TRRAP: variants seen among roughly 807,000 people sequenced by gnomAD.
The protein encoded by TRRAP is transformation/transcription domain-associated protein.
TRRAP carries 41 observed loss-of-function variants against 438.8 expected under a neutral mutation model. The observed-to-expected ratio is 0.09, with a 90% CI of 0.07 to 0.12. The LOEUF is 0.12. Among genes scored for constraint, TRRAP ranks in the 10% least tolerant of loss-of-function variants. The pLI is 1.00. For synonymous variants in TRRAP, 1,994 were observed against 1,962.9 expected (o/e 1.02, Z -0.42); for missense variants, 3,122 against 5,055.1 (o/e 0.62, Z 11.60).
chr7:98,900,747 T>C, intron 11 of TRRAP, 27 bp downstream of exon 11: 1 of 1,581,250 alleles, frequency 6.3e-7, no homozygotes, highest in Non-Finnish European at 8.6e-7. Flanking sequence ...TTATGTCAGG[T>C]TTATTGAGAT....
Position 98,910,254 on chromosome 7 carries a change from A to G in TRRAP, c.1549A>G (p.Thr517Ala). The G allele has an allele frequency of 1.2e-6, 1 of 803,700 alleles. No individual in the cohort carries two copies. The allele number at this position is 803,700 out of a possible 1,614,324, so 49.8% of individuals were successfully genotyped here. Residue 517 changes from threonine (T) to alanine (A), a missense_variant, in exon 15 of 73, where the codon ACC becomes GCC. Transcript: ENST00000456197. ...PPPPPPPPPA[T>A]PVTPAPVPPF... Reference sequence around the variant, plus strand: ...ACCCCCGCCCCCACCCCCACCTGCCACCCCTGTGACCCCGGCCCCCGTGCC... The same window carrying G: ...ACCCCCGCCCCCACCCCCACCTGCCGCCCCTGTGACCCCGGCCCCCGTGCC...
intron 63 of TRRAP, 145 bp from the exon 64 acceptor site, chr7:98,990,310 G>A (rs1314770193): frequency 3.0e-6 from 2 of 671,572 alleles, no homozygotes; most frequent in Non-Finnish European, 4.8e-6. Flanking sequence ...ATTAAGTTTA[G>A]CAATAATGTT....
rs754475594 is a variant in TRRAP at position 98,967,154 on chromosome 7, T to C, written c.7290T>C (p.Tyr2430=). The C allele has an allele frequency of 2.5e-6, 4 of 1,613,426 alleles. No homozygotes were observed. The Admixed American group carries it at 6.7e-5, about 27-fold the overall frequency. ...LNAQFLDLVN[Y]VYRDETLSGS... ...CCCAGTTTTTAGATCTTGTTAACTA[T>C]GTCTACAGGTAATTACAGCAATTAA... The change falls in exon 50 of 73, where the codon TAT becomes TAC. Residue 2430 remains tyrosine, a synonymous_variant. Coordinates refer to ENST00000456197, the MANE Select transcript of TRRAP (RefSeq NM_001375524.1).
intron 45 of TRRAP, among the ~76,000 whole-genome samples, chr7:98,960,807 G>A (rs1396803656): frequency 6.6e-6 from 1 of 151,750 alleles, no homozygotes; most frequent in Non-Finnish European, 1.5e-5. Context: ...AGTAGAGACG[G>A]GGTTTCACCA....
rs782057410 is a variant in TRRAP, at chr7:98,949,714, C to T, written c.5008C>T (p.Leu1670=). 1.2e-6 allele frequency: 2 copies of T among 1,613,982 alleles called. No individual in the cohort carries two copies. Among genetic ancestry groups the T allele is most frequent in the Admixed American group, 1.7e-5 (1 of 60,008 alleles). The part of the protein sequence containing the change: ...DDSWLASQHS[L]VSQLRRVWVS... Reference sequence around the variant, plus strand: ...CTCCTGGCTGGCCAGCCAGCACTCTCTGGTGAGCCAGTTGCGACGTGTGTG... The same window carrying T: ...CTCCTGGCTGGCCAGCCAGCACTCTTTGGTGAGCCAGTTGCGACGTGTGTG... The change falls in exon 37 of 73, where the codon CTG becomes TTG. Residue 1670 remains leucine (L), a synonymous_variant. Transcript: ENST00000456197.
chr7:99,009,716 C>G (rs1202535221), intron 70 of TRRAP, among the ~76,000 whole-genome samples: 1 of 152,156 alleles, frequency 6.6e-6, no homozygotes, highest in Non-Finnish European at 1.5e-5. Flanking sequence ...CAGAGTCATC[C>G]TGTTTCTAAA....
intron 65 of TRRAP, 103 bp downstream of exon 65, chr7:98,992,330 A>G: frequency 1.6e-6 from 2 of 1,241,214 alleles, no homozygotes; most frequent in Non-Finnish European, 2.3e-6. Flanking sequence ...CCTGCAGCTC[A>G]CTCATAGCCG....
chr7:98,911,251 T>G lies in TRRAP; in HGVS notation c.1987T>G (p.Ser663Ala), dbSNP rs1789253211. The G allele has an allele frequency of 2.5e-6, 4 of 1,611,020 alleles. No individual in the cohort carries two copies. Among genetic ancestry groups the G allele is most frequent in the Non-Finnish European group, 2.5e-6 (3 of 1,178,834 alleles). The change falls in exon 17 of 73, where the codon TCA becomes GCA. Residue 663 changes from serine to alanine, a missense_variant. Ser to Ala is a moderately conservative substitution (Grantham distance 99). Around this residue, in one of 24 missense-constraint regions of TRRAP, gnomAD observed 149 missense variants for 302.8 expected, o/e 0.49. Transcript: ENST00000456197. ...TTVPYMVERI[S>A]KNYALQIVAN... ...GGTCCCTTATATGGTGGAGAGAATC[T>G]CAAAAAATTATGCTCTTCAGGTATA...
chr7:98,959,936 T>TGAAAA lies in TRRAP; in HGVS notation c.6489+446_6489+447insGAAAA, dbSNP rs1483906654. Among the ~76,000 whole-genome samples the TGAAAA allele has an allele frequency of 7.6e-4, 86 of 112,554 alleles. 1 individual carries two copies. The highest frequency in any genetic ancestry group is 3.2e-3 in the African/African-American group (82 of 25,962). 73.8% of individuals were successfully genotyped at this position (112,554 alleles called of 152,430 possible). ...ACAGAGCAAGCAAGACCTGGTCTCT[T>TGAAAA]AAAAAAAAAAAAAAAAAAGAAAAAG... On this transcript the variant is annotated intron_variant, in intron 45 of 72. Transcript: ENST00000456197.
rs1243587465 is a variant in TRRAP, at chr7:98,908,021, A to G, written c.1116-707A>G. On this transcript the variant is annotated intron_variant, in intron 13 of 72. Transcript: ENST00000456197. The surrounding 1 kb of genome is among the most constrained non-coding windows in gnomAD (Gnocchi z 4.1). ...TCTTTCCTGTTTCTTCCATCTGGAA[A>G]TTTCCCTGGATTTTTGCCTTATGGC... 6.6e-6 allele frequency among the ~76,000 whole-genome samples: 1 copy of G among 152,144 alleles called. No homozygotes were observed. Among genetic ancestry groups the G allele is most frequent in the African/African-American group, 2.4e-5 (1 of 41,416 alleles).
chr7:98,959,110 G>A (rs1324455686), intron 44 of TRRAP, among the ~76,000 whole-genome samples: 1 of 152,142 alleles, frequency 6.6e-6, no homozygotes, highest in African/African-American at 2.4e-5. Context: ...GGGCCCACAA[G>A]CCATTGCAGG....
At chr7:98,950,853 C>A in intron 38 of TRRAP, 23 bp from the exon 39 acceptor site, 4 of 1,506,034 alleles carry the variant, frequency 2.7e-6, no homozygotes, top group Non-Finnish European at 2.7e-6. Flanking sequence ...TTTTCTCCTT[C>A]TTTATTTAAA....
At position 98,971,850 on chromosome 7, in the gene TRRAP, A is replaced by C. The variant is rs1792432639; in HGVS notation, c.7744A>C (p.Lys2582Gln). Residue 2582 changes from lysine (K) to glutamine (Q), a missense_variant, in exon 53 of 73, where the codon AAA becomes CAA. Physicochemically the swap from Lys to Gln is moderately conservative, Grantham distance 53 (BLOSUM62 1). Coordinates refer to ENST00000456197, the MANE Select transcript of TRRAP (RefSeq NM_001375524.1). ...TCCTGGGGATCAGACCAGCACGCCC[A>C]AAACCAAAGAACTTTCAGAAAAGGA... is the stretch of plus-strand genomic sequence containing the variant. ...LAPGDQTSTP[K>Q]TKELSEKDIG... is the part of the protein sequence containing the mutation. 6.2e-7 allele frequency: 1 copy of C among 1,614,216 alleles called. No homozygotes were observed. Among genetic ancestry groups the C allele is most frequent in the Non-Finnish European group, 8.5e-7 (1 of 1,180,042 alleles).
At chr7:98,960,460 C>T (rs532298570) in intron 45 of TRRAP, among the ~76,000 whole-genome samples, 1 of 152,266 alleles carries the variant, frequency 6.6e-6, no homozygotes, top group South Asian at 2.1e-4. Context: ...CTATGAACCA[C>T]GAACTCTGTC....
intron 67 of TRRAP, among the ~76,000 whole-genome samples, chr7:99,002,877 G>A (rs1311128340): frequency 6.6e-6 from 1 of 152,236 alleles, no homozygotes; most frequent in African/African-American, 2.4e-5. Context: ...GAATAGCTGG[G>A]TGTTATGCCC....
intron 69 of TRRAP, among the ~76,000 whole-genome samples, chr7:99,007,344 T>G (rs753063505): frequency 2.6e-5 from 4 of 151,618 alleles, no homozygotes; most frequent in African/African-American, 4.9e-5. Flanking sequence ...GCAGAGTCTG[T>G]TTTTTTTTAT....
chr7:98,949,449 G>C lies in TRRAP; in HGVS notation c.4821G>C (p.Leu1607=). ...TAAAACACAAAGACGCCAGACCTCT[G>C]CGGGATGTGCTGGCTGCCAACCCCA... The part of the protein sequence containing the change: ...SFLKHKDARP[L]RDVLAANPNR... Residue 1607 remains leucine (L), a synonymous_variant, in exon 36 of 73, where the codon CTG becomes CTC. Coordinates refer to ENST00000456197, the MANE Select transcript of TRRAP (RefSeq NM_001375524.1). 6.3e-7 allele frequency: 1 copy of C among 1,599,994 alleles called. No homozygotes were observed. The highest frequency in any genetic ancestry group is 8.5e-7 in the Non-Finnish European group (1 of 1,175,396).
rs540165290 is a variant in TRRAP at position 98,957,438 on chromosome 7, T to A, written c.6232-543T>A. Among the ~76,000 whole-genome samples, 3 of 152,336 alleles carry A rather than the reference T, an allele frequency of 2.0e-5. No homozygotes were observed. The East Asian group carries it at 5.8e-4, about 29-fold the overall frequency. ...TAGAAATCTCTTGTGGATCTTACAA[T>A]CCTTTGGAAGTAAAAAGTTGAATCA... On this transcript the variant is annotated intron_variant, in intron 43 of 72. Transcript: ENST00000456197.
At position 99,011,295 on chromosome 7, in the gene TRRAP, T is replaced by A. The variant is rs202105261; in HGVS notation, c.11142+40T>A. The A allele has an allele frequency of 7.7e-4, 1,239 of 1,612,784 alleles. 2 individuals are homozygous for A. The highest frequency in any genetic ancestry group is 9.8e-4 in the Non-Finnish European group (1,151 of 1,178,744). On this transcript the variant is annotated intron_variant, in intron 71 of 72. Transcript: ENST00000456197. This position sits in a 1 kb window ranked among gnomAD's most constrained non-coding sequence, Gnocchi z 7.1. ...ACAGCCAGATCCTCTCCTCGTGACA[T>A]CGCCTTTCTGCTGAAGTTCCTAAAG... is the stretch of plus-strand genomic sequence containing the variant.
Sources: allele counts gnomAD v4.1 joint callset (sites outside exome capture counted in the v4.1 genomes callset), GRCh38; gene constraint gnomAD v4.1.1; regional missense constraint gnomAD v4.1.1; non-coding constraint Gnocchi (gnomAD v3.1); transcripts MANE v1.5; gene names NCBI Gene and HGNC (gene_info 2026-07-23, HGNC 2026-07-21).